Variants in CEP44 observed in about 807,000 individuals in gnomAD.
CEP44 encodes centrosomal protein of 44 kDa.
Under a neutral mutation model 46.7 loss-of-function variants are expected in CEP44, and 45 were observed. The observed-to-expected ratio is 0.96, with a 90% CI of 0.76 to 1.24. CEP44 has a LOEUF of 1.24. CEP44 is among the 50% of genes most tolerant of loss of function. The pLI, the probability that CEP44 is intolerant of heterozygous loss-of-function variation, is 0.00. For synonymous variants in CEP44, 142 were observed against 146.0 expected, an observed-to-expected ratio of 0.97 and a Z score of 0.20; for missense variants, 475 against 459.7, an observed-to-expected ratio of 1.03 and a Z score of -0.30.
chr4:174,316,459 C>T (rs1741726200), intron 10 of CEP44, 71 bp from the exon 11 acceptor site: 2 of 1,424,380 alleles, frequency 1.4e-6, no homozygotes, highest in Non-Finnish European at 2.0e-6. Flanking sequence ...GTGTTTTGTA[C>T]ATTCTCGGTC....
chr4:174,308,251 A>G (rs1357310590), intron 6 of CEP44, among the ~76,000 whole-genome samples: 1 of 152,232 alleles, frequency 6.6e-6, no homozygotes, highest in Non-Finnish European at 1.5e-5. Context: ...GATAGAGCAG[A>G]TAAAGAAGAT....
chr4:174,317,367 C>T lies in CEP44; in HGVS notation c.1157C>T (p.Pro386Leu). ...GAAACTGCAGAGTTACTGAAATGTCCAAATCACTACTTGTAGGATTTTCTA... is the reference window on the plus strand; with the variant it reads ...GAAACTGCAGAGTTACTGAAATGTCTAAATCACTACTTGTAGGATTTTCTA... Reference protein sequence around the residue: ...FEETAELLKCPNHYL With the variant: ...FEETAELLKCLNHYL The change falls in exon 12 of 12, where the codon CCA becomes CTA. Residue 386 changes from proline to leucine, a missense_variant. By Grantham distance (98) the Pro-to-Leu change is moderately conservative. Coordinates refer to ENST00000503780, the MANE Select transcript of CEP44 (RefSeq NM_001040157.3). 7.1e-7 allele frequency: 1 copy of T among 1,418,384 alleles called. No individual in the cohort carries two copies. Among genetic ancestry groups the T allele is most frequent in the Non-Finnish European group, 9.4e-7 (1 of 1,064,996 alleles). The allele number at this position is 1,418,384 out of a possible 1,614,324, so 87.9% of individuals were successfully genotyped here.
rs1454078366 is a variant in CEP44, at chr4:174,325,907, G to A, written c.1087-5575G>A. Among the ~76,000 whole-genome samples, 6 of 152,070 alleles carry A rather than the reference G, an allele frequency of 3.9e-5. No homozygotes were observed. The highest frequency in any genetic ancestry group is 4.1e-4 in the South Asian group (2 of 4,826). On this transcript the variant is annotated intron_variant, in intron 8 of 8. Coordinates refer to the CEP44 transcript ENST00000426172. The surrounding 1 kb of genome is among the most constrained non-coding windows in gnomAD (Gnocchi z 4.4). ...AGCTATTCCAGATTTCTCTTAGGAA[G>A]TGTTACTACAGTATTTATTTCCCAT...
chr4:174,294,103 C>T (rs1314462331), intron 1 of CEP44, among the ~76,000 whole-genome samples: 95 of 147,880 alleles, frequency 6.4e-4, no homozygotes, highest in African/African-American at 2.4e-3. Context: ...GGGGATTTGG[C>T]AGGGTCATAG....
intron 1 of CEP44, among the ~76,000 whole-genome samples, chr4:174,296,388 G>A (rs546837843): frequency 1.1e-4 from 17 of 152,026 alleles, no homozygotes; most frequent in South Asian, 2.1e-4. Flanking sequence ...ATTTTCTCTC[G>A]TTCATGAGAT....
At position 174,326,455 on chromosome 4, in the gene CEP44, C is replaced by A. The variant is rs749448128; in HGVS notation, c.1087-5027C>A. 9.2e-5 allele frequency among the ~76,000 whole-genome samples: 14 copies of A among 151,876 alleles called. No individual in the cohort carries two copies. Among genetic ancestry groups the A allele is most frequent in the Admixed American group, 5.3e-4 (8 of 15,218 alleles). ...CTGCGCCCGCCAAGCCTTTTTTTGT[C>A]AAACATTGACTTCTACATATGTTAT... is the stretch of plus-strand genomic sequence containing the variant. On this transcript the variant is annotated intron_variant, in intron 8 of 8. Coordinates refer to the CEP44 transcript ENST00000426172. This position sits in a 1 kb window ranked among gnomAD's most constrained non-coding sequence, Gnocchi z 4.8.
chr4:174,302,304 T>G (rs955519149), intron 4 of CEP44, 118 bp downstream of exon 4: 21 of 647,604 alleles, frequency 3.2e-5, no homozygotes, highest in Non-Finnish European at 4.9e-5. Flanking sequence ...TATTTTCATT[T>G]GTATTTATCT....
At position 174,326,672 on chromosome 4, in the gene CEP44, T is replaced by G. The variant is rs1742691173; in HGVS notation, c.1087-4810T>G. 6.6e-6 allele frequency among the ~76,000 whole-genome samples: 1 copy of G among 152,114 alleles called. No homozygotes were observed. The highest frequency in any genetic ancestry group is 1.5e-5 in the Non-Finnish European group (1 of 67,966). On this transcript the variant is annotated intron_variant, in intron 8 of 8. Coordinates refer to the CEP44 transcript ENST00000426172. The surrounding 1 kb of genome is among the most constrained non-coding windows in gnomAD (Gnocchi z 4.8). ...CTGCCTGAAGGGTTTCCTTTAACTT[T>G]TCTTGTAATACTAGTTGCTGGTGAT... is the stretch of plus-strand genomic sequence containing the variant.
chr4:174,328,324 A>T (rs937986872), intron 8 of CEP44, among the ~76,000 whole-genome samples: 1 of 152,234 alleles, frequency 6.6e-6, no homozygotes, highest in Non-Finnish European at 1.5e-5. Flanking sequence ...TGAGTAGATG[A>T]TGGTTACCTA....
Position 174,297,651 on chromosome 4 carries a change from AGTGTGTGTGTGTGTGTGT to A in CEP44, c.-147-298_-147-281del, listed in dbSNP as rs70947423. Reference sequence around the variant, plus strand: ...CTGAGATATAGGAAGAAACTTTATTAGTGTGTGTGTGTGTGTGTGTGTGTGTGTGTGTGTTTTCATTAA... The same window carrying A: ...CTGAGATATAGGAAGAAACTTTATTAGTGTGTGTGTGTGTGTTTTCATTAA... On this transcript the variant is annotated intron_variant, in intron 1 of 11. Transcript: ENST00000503780. This position sits in a 1 kb window ranked among gnomAD's most constrained non-coding sequence, Gnocchi z 4.3. Among the ~76,000 whole-genome samples the A allele has an allele frequency of 6.7e-5, 10 of 148,952 alleles. No homozygotes were observed. The highest frequency in any genetic ancestry group is 2.2e-4 in the South Asian group (1 of 4,644).
chr4:174,313,067 T>C (rs1182942520), intron 9 of CEP44, among the ~76,000 whole-genome samples: 1 of 152,002 alleles, frequency 6.6e-6, no homozygotes, highest in Admixed American at 6.6e-5. Flanking sequence ...AATTTGATGA[T>C]TGATGGTAAG....
In CEP44 at chr4:174,326,553, TAA is replaced by T. The variant is rs1324982882; in HGVS notation, c.1087-4926_1087-4925del. Among the ~76,000 whole-genome samples the T allele has an allele frequency of 1.3e-5, 2 of 152,114 alleles. No individual in the cohort carries two copies. Among genetic ancestry groups the T allele is most frequent in the Admixed American group, 6.6e-5 (1 of 15,256 alleles). ...TTTTTAAAAGGTTTAAATAATTTTT[TAA>T]AAGTCTTTTATATGTGCCAACCTAT... is the stretch of plus-strand genomic sequence containing the variant. On this transcript the variant is annotated intron_variant, in intron 8 of 8. Coordinates refer to the CEP44 transcript ENST00000426172. This position sits in a 1 kb window ranked among gnomAD's most constrained non-coding sequence, Gnocchi z 4.8.
At chr4:174,330,156 T>C (rs887390840) in intron 8 of CEP44, among the ~76,000 whole-genome samples, 2 of 152,152 alleles carry the variant, frequency 1.3e-5, no homozygotes, top group Non-Finnish European at 2.9e-5. Context: ...TATTTTCTTA[T>C]TTTTTCTATT....
At chr4:174,293,041 T>C (rs1273233530) in intron 1 of CEP44, among the ~76,000 whole-genome samples, 1 of 152,246 alleles carries the variant, frequency 6.6e-6, no homozygotes, top group East Asian at 1.9e-4. Flanking sequence ...CTTCTCTTGC[T>C]GGGTCCCTTG....
Position 174,317,325 on chromosome 4 carries a change from TA to T in CEP44, c.1125-9del. ...TTGATTTACTTAATATATTATTTAT[TA>T]TATTTCAGGTTTGAAGAAACTGCAG... On this transcript the variant is annotated splice_polypyrimidine_tract_variant and intron_variant, in intron 11 of 11. Coordinates refer to ENST00000503780, the MANE Select transcript of CEP44 (RefSeq NM_001040157.3). 1 of 1,178,246 alleles carries T rather than the reference TA, an allele frequency of 8.5e-7. No homozygotes were observed. Among genetic ancestry groups the T allele is most frequent in the East Asian group, 2.6e-5 (1 of 38,694 alleles). 73.0% of individuals were successfully genotyped at this position (1,178,246 alleles called of 1,614,324 possible).
downstream of CEP44, among the ~76,000 whole-genome samples, chr4:174,321,639 T>C (rs1742324695): frequency 6.6e-6 from 1 of 152,162 alleles, no homozygotes. Flanking sequence ...TGCATACATA[T>C]TTGTTTTTCT....
Position 174,320,264 on chromosome 4 carries a change from G to T in CEP44, c.*2881G>T. Reference sequence around the variant, plus strand: ...AAAAGTAATTCTATCATGTTTGCTTGTTTTCCTCTACTGTTTTTAATGTGA... The same window carrying T: ...AAAAGTAATTCTATCATGTTTGCTTTTTTTCCTCTACTGTTTTTAATGTGA... On this transcript the variant is annotated 3_prime_UTR_variant, in exon 12 of 12. Coordinates refer to ENST00000503780, the MANE Select transcript of CEP44 (RefSeq NM_001040157.3). 1 of 983,396 alleles carries T rather than the reference G, an allele frequency of 1.0e-6. No homozygotes were observed. Among genetic ancestry groups the T allele is most frequent in the Non-Finnish European group, 1.2e-6 (1 of 828,398 alleles). 60.9% of individuals were successfully genotyped at this position (983,396 alleles called of 1,614,324 possible). A position where few individuals can be genotyped will look rare whatever the true frequency, so the allele number is the denominator to read the frequency against.
chr4:174,293,592 A>C (rs1354739739), intron 1 of CEP44, among the ~76,000 whole-genome samples: 1 of 152,112 alleles, frequency 6.6e-6, no homozygotes, highest in East Asian at 1.9e-4. Flanking sequence ...ATTTCATTCT[A>C]ATCATTTATT....
rs1359001723 is a variant in CEP44 at position 174,288,142 on chromosome 4, A to G, written c.-148+4199A>G. ...GTTTATTGCGGTATGATTGACATAC[A>G]GAAAGCTATAGACATTTAATGTATA... On this transcript the variant is annotated intron_variant, in intron 1 of 11. Transcript: ENST00000503780. This position sits in a 1 kb window ranked among gnomAD's most constrained non-coding sequence, Gnocchi z 4.6. 6.6e-6 allele frequency among the ~76,000 whole-genome samples: 1 copy of G among 152,214 alleles called. No homozygotes were observed. Among genetic ancestry groups the G allele is most frequent in the Non-Finnish European group, 1.5e-5 (1 of 68,040 alleles).
Sources: allele counts gnomAD v4.1 joint callset (sites outside exome capture counted in the v4.1 genomes callset), GRCh38; gene constraint gnomAD v4.1.1; non-coding constraint Gnocchi (gnomAD v3.1); transcripts MANE v1.5; gene names NCBI Gene and HGNC (gene_info 2026-07-23, HGNC 2026-07-21).